Variants in PLEKHA7 observed in about 807,000 individuals in gnomAD.
PLEKHA7 encodes pleckstrin homology domain containing A7.
A neutral mutation model predicts 170.0 loss-of-function variants in PLEKHA7; 104 were observed. The ratio of observed to expected loss-of-function variants is 0.61; its 90% CI spans 0.52 to 0.72. The LOEUF (loss-of-function observed/expected upper bound fraction) is 0.72, where lower values mean the gene tolerates loss of function less well. PLEKHA7 is among the 30% of genes least tolerant of loss of function. The pLI is 0.00. For synonymous variants in PLEKHA7, 648 were observed against 660.8 expected, an observed-to-expected ratio of 0.98 and a Z score of 0.30; for missense variants, 1,615 against 1,671.7, an observed-to-expected ratio of 0.97 and a Z score of 0.59.
At chr11:16,900,121 C>T (rs559680366) in intron 3 of PLEKHA7, among the ~76,000 whole-genome samples, 1 of 152,344 alleles carries the variant, frequency 6.6e-6, no homozygotes, top group South Asian at 2.1e-4. Context: ...CAGAGCATGT[C>T]ACTGTCCAGC....
intron 3 of PLEKHA7, among the ~76,000 whole-genome samples, chr11:16,888,393 T>G (rs1856334877): frequency 6.6e-6 from 1 of 152,164 alleles, no homozygotes; most frequent in South Asian, 2.1e-4. Flanking sequence ...GCGGTTTTGT[T>G]GAGTAGACGG....
At chr11:16,824,050 A>C (rs560102214) in intron 10 of PLEKHA7, among the ~76,000 whole-genome samples, 1 of 152,336 alleles carries the variant, frequency 6.6e-6, no homozygotes, top group East Asian at 1.9e-4. Context: ...TGAGAGCTAT[A>C]AATTAAAACA....
intron 3 of PLEKHA7, among the ~76,000 whole-genome samples, chr11:16,906,602 C>A (rs1239056434): frequency 7.2e-6 from 1 of 138,860 alleles, no homozygotes; most frequent in Non-Finnish European, 1.5e-5. Flanking sequence ...GGATGGCAGA[C>A]GGAGTCGCGT....
intron 3 of PLEKHA7, among the ~76,000 whole-genome samples, chr11:16,969,470 C>T (rs6416170): frequency 0.73 from 110,670 of 152,018 alleles, 40,563 homozygotes; most frequent in East Asian, 0.87. Context: ...GAGGAAAAGA[C>T]AGATGATGAT....
intron 3 of PLEKHA7, among the ~76,000 whole-genome samples, chr11:16,896,062 TC>T (rs1174088809): frequency 1.3e-5 from 2 of 152,078 alleles, no homozygotes; most frequent in Non-Finnish European, 2.9e-5. Context: ...CTAAATATCT[TC>T]CCCAGGAAAG....
At chr11:16,894,208 C>A (rs1032149425) in intron 3 of PLEKHA7, among the ~76,000 whole-genome samples, 2 of 152,208 alleles carry the variant, frequency 1.3e-5, no homozygotes, top group African/African-American at 4.8e-5. Context: ...GGTTGGGGGA[C>A]AGACTGGACA....
chr11:16,794,595 G>A lies in PLEKHA7; in HGVS notation c.2638C>T (p.Arg880Ter), dbSNP rs1848085636. ...TSPVRTPLEV[R>*]LFPQLQTYVP... is the part of the protein sequence containing the mutation. ...TAGGTTTGCAGCTGGGGGAAGAGTC[G>A]AACCTCCAGAGGGGTCCGCACAGGG... The change falls in exon 19 of 27, where the codon CGA becomes TGA. Residue 880 changes from arginine to a stop codon, truncating the protein, a stop_gained. Coordinates refer to ENST00000531066, the MANE Select transcript of PLEKHA7 (RefSeq NM_001329630.2). LOFTEE classifies it high-confidence loss of function. 1.2e-6 allele frequency: 2 copies of A among 1,613,366 alleles called. No individual in the cohort carries two copies. The highest frequency in any genetic ancestry group is 1.7e-6 in the Non-Finnish European group (2 of 1,179,646).
intron 3 of PLEKHA7, among the ~76,000 whole-genome samples, chr11:16,982,730 C>T (rs1434802684): frequency 1.3e-5 from 2 of 150,648 alleles, no homozygotes; most frequent in African/African-American, 2.4e-5. Flanking sequence ...CATGCTTTAG[C>T]TTGGGTCTAC....
rs1468152342 is a variant in PLEKHA7 at position 16,777,702 on chromosome 11, G to A, written c.*1296C>T. On this transcript the variant is annotated 3_prime_UTR_variant, in exon 27 of 27. Transcript: ENST00000531066. ...GCTTGGTAGCCCCCCTCCTCATGTG[G>A]GGCTGGAAGTCAAATCAAAGTCCTG... 6.6e-6 allele frequency: 1 copy of A among 152,204 alleles called. No homozygotes were observed. The highest frequency in any genetic ancestry group is 6.5e-5 in the Admixed American group (1 of 15,278). The allele number at this position is 152,204 out of a possible 1,614,324, so 9.4% of individuals were successfully genotyped here.
intron 3 of PLEKHA7, among the ~76,000 whole-genome samples, chr11:16,954,090 C>T (rs1306711949): frequency 6.6e-6 from 1 of 152,174 alleles, no homozygotes; most frequent in East Asian, 1.9e-4. Flanking sequence ...ATAGAGGACA[C>T]TCCACAAGGC....
At chr11:16,974,267 CAAAA>C (rs35695770) in intron 3 of PLEKHA7, among the ~76,000 whole-genome samples, 2 of 116,914 alleles carry the variant, frequency 1.7e-5, no homozygotes, top group African/African-American at 7.0e-5. Flanking sequence ...ACCCTGTCTC[CAAAA>C]AAAAAAAAAA....
intron 7 of PLEKHA7, among the ~76,000 whole-genome samples, chr11:16,851,712 G>C (rs547783707): frequency 1.3e-5 from 2 of 152,216 alleles, no homozygotes; most frequent in East Asian, 1.9e-4. Flanking sequence ...GCCTCCCAAA[G>C]TGTTGGGATT....
intron 3 of PLEKHA7, among the ~76,000 whole-genome samples, chr11:16,942,732 C>T (rs1385427834): frequency 6.6e-6 from 1 of 152,186 alleles, no homozygotes; most frequent in South Asian, 2.1e-4. Flanking sequence ...TTGCTGCGGC[C>T]GCTGTAAACT....
chr11:16,870,522 G>A, intron 4 of PLEKHA7, among the ~76,000 whole-genome samples: 1 of 151,954 alleles, frequency 6.6e-6, no homozygotes, highest in East Asian at 1.9e-4. Context: ...CCAGCGACTT[G>A]GGCGGCTGAG....
At chr11:16,931,800 C>T (rs1234111900) in intron 3 of PLEKHA7, among the ~76,000 whole-genome samples, 5 of 145,868 alleles carry the variant, frequency 3.4e-5, no homozygotes, top group African/African-American at 1.3e-4. Flanking sequence ...AGAAGCTGAA[C>T]AGAATCCAAC....
chr11:16,991,668 T>C (rs1590803141), intron 3 of PLEKHA7, among the ~76,000 whole-genome samples: 1 of 151,350 alleles, frequency 6.6e-6, no homozygotes, highest in African/African-American at 2.4e-5. Flanking sequence ...GGTAATGGGG[T>C]TGGAGAGGGG....
intron 3 of PLEKHA7, among the ~76,000 whole-genome samples, chr11:16,947,915 CAAAAAAAAAAAAAAAAAG>C (rs1367580624): frequency 4.5e-5 from 3 of 67,034 alleles, no homozygotes; most frequent in African/African-American, 1.6e-4. Context: ...GACTCCGTCT[CAAAAAAAAAAAAAAAAAG>C]AAAAAAAAGA....
At chr11:16,932,910 AGTGGGAAGG>A (rs1860043193) in intron 3 of PLEKHA7, among the ~76,000 whole-genome samples, 1 of 152,206 alleles carries the variant, frequency 6.6e-6, no homozygotes, top group Non-Finnish European at 1.5e-5. Flanking sequence ...CTCAGTGACC[AGTGGGAAGG>A]GTAGGAAAAG....
At chr11:16,887,655 C>T (rs434176) in intron 3 of PLEKHA7, among the ~76,000 whole-genome samples, 42,235 of 152,138 alleles carry the variant, frequency 0.28, 6,040 homozygotes, top group Non-Finnish European at 0.3. Flanking sequence ...CTCAGCCTCC[C>T]GAAGTGCTGG....
Sources: gnomAD v4.1 joint callset for allele counts (sites outside exome capture counted in the v4.1 genomes callset) on GRCh38, gnomAD v4.1.1 for gene constraint, MANE v1.5 for transcripts, NCBI Gene and HGNC (gene_info 2026-07-23, HGNC 2026-07-21) for gene names.